F7: variants seen among roughly 807,000 people sequenced by gnomAD.
F7 encodes the protein FVII coagulation protein.
F7 carries 38 observed loss-of-function variants against 47.5 expected under a neutral mutation model. The observed-to-expected ratio is 0.80, with a 90% CI of 0.62 to 1.05. The LOEUF (loss-of-function observed/expected upper bound fraction) is 1.05. Ranked by LOEUF, F7 falls within the 50% of genes least tolerant of loss-of-function variation. The probability of loss-of-function intolerance (pLI) is 0.00; values close to 1 mark genes in which losing one functional copy is unlikely to be tolerated. For synonymous variants in F7, 244 were observed against 258.5 expected, an observed-to-expected ratio of 0.94 and a Z score of 0.54; for missense variants, 575 against 605.4, an observed-to-expected ratio of 0.95 and a Z score of 0.53.
At chr13:113,116,980 C>A in intron 6 of F7, 105 bp downstream of exon 6, 2 of 907,852 alleles carry the variant, frequency 2.2e-6, no homozygotes, top group Admixed American at 1.8e-5. Flanking sequence ...AGCCCCAAGC[C>A]CACCAGGCTC....
At position 113,118,773 on chromosome 13, in the gene F7, G is replaced by T; in HGVS notation, c.1100G>T (p.Cys367Phe). The stretch of plus-strand genomic sequence containing the variant: ...CCAAATATCACGGAGTACATGTTCT[G>T]TGCCGGCTACTCGGATGGCAGCAAG... ...DSPNITEYMF[C>F]AGYSDGSKDS... Residue 367 changes from cysteine (C) to phenylalanine (F), a missense_variant, in exon 8 of 8, where the codon TGT (cysteine) becomes TTT (phenylalanine). Transcript: ENST00000346342. 6.2e-7 allele frequency: 1 copy of T among 1,613,234 alleles called. No homozygotes were observed. The highest frequency in any genetic ancestry group is 8.5e-7 in the Non-Finnish European group (1 of 1,179,996).
rs759415146 is a variant in F7 at position 113,118,665 on chromosome 13, C to T, written c.992C>T (p.Thr331Met). The change falls in exon 8 of 8, where the codon ACG becomes ATG. Residue 331 changes from threonine to methionine, a missense_variant. Transcript: ENST00000346342. ...GWGQLLDRGATALELMVLNVP... is the reference protein window; with the variant it reads ...GWGQLLDRGAMALELMVLNVP... ...GGCCAGCTGCTGGACCGTGGCGCCA[C>T]GGCCCTGGAGCTCATGGTCCTCAAC... The T allele has an allele frequency of 3.1e-5, 50 of 1,612,740 alleles. No homozygotes were observed. Among genetic ancestry groups the T allele is most frequent in the Middle Eastern group, 1.6e-4 (1 of 6,062 alleles).
intron 4 of F7, 58 bp downstream of exon 4, chr13:113,114,018 G>A (rs1295047636): frequency 5.6e-6 from 9 of 1,595,446 alleles, no homozygotes; most frequent in Non-Finnish European, 7.7e-6. Flanking sequence ...TGGTGGAGGT[G>A]GCCTGGCCAA....
At position 113,116,717 on chromosome 13, in the gene F7, G is replaced by A. The variant is rs749699365; in HGVS notation, c.506-49G>A. 1.8e-5 allele frequency: 25 copies of A among 1,397,226 alleles called. 1 individual carries two copies. Among genetic ancestry groups the A allele is most frequent in the African/African-American group, 1.4e-4 (10 of 70,574 alleles). The allele number at this position is 1,397,226 out of a possible 1,614,324, so 86.6% of individuals were successfully genotyped here. On this transcript the variant is annotated intron_variant, in intron 5 of 7. Transcript: ENST00000346342. ...GTTTCTGAATCTTTCCTAGTGGCAC[G>A]TTCATCCCTCACAAATCTCTGCATC...
Position 113,105,838 on chromosome 13 carries a change from C to T in F7, c.-4C>T, listed in dbSNP as rs762649581. The T allele has an allele frequency of 4.4e-6, 7 of 1,585,592 alleles. No individual in the cohort carries two copies. Among genetic ancestry groups the T allele is most frequent in the Admixed American group, 3.6e-5 (2 of 55,574 alleles). ...GGCAGGGGCAGCACTGCAGAGATTTCATCATGGTCTCCCAGGCCCTCAGGC... is the reference window on the plus strand; with the variant it reads ...GGCAGGGGCAGCACTGCAGAGATTTTATCATGGTCTCCCAGGCCCTCAGGC... On this transcript the variant is annotated 5_prime_UTR_variant, in exon 1 of 8. Transcript: ENST00000346342.
Position 113,119,166 on chromosome 13 carries a change from GAC to G in F7, c.*160_*161del, listed in dbSNP as rs2036256774. The G allele has an allele frequency of 1.5e-6, 1 of 679,376 alleles. No individual in the cohort carries two copies. Among genetic ancestry groups the G allele is most frequent in the Non-Finnish European group, 2.5e-6 (1 of 394,154 alleles). The allele number at this position is 679,376 out of a possible 1,614,324, so 42.1% of individuals were successfully genotyped here. A position where few individuals can be genotyped will look rare whatever the true frequency, so the allele number is the denominator to read the frequency against. ...AGAGACAGAAACAGAGAGAGACAGA[GAC>G]AGAGAGAGACTGAGGGAGAGACTCT... On this transcript the variant is annotated 3_prime_UTR_variant, in exon 8 of 8. Transcript: ENST00000346342.
At chr13:113,110,591 C>A in intron 1 of F7, 99 bp from the exon 2 acceptor site, 2 of 1,496,018 alleles carry the variant, frequency 1.3e-6, no homozygotes, top group Non-Finnish European at 1.8e-6. Flanking sequence ...CCAGGACGGG[C>A]GGGAACCTGC....
intron 4 of F7, 38 bp from the exon 5 acceptor site, chr13:113,115,622 C>G: frequency 6.2e-7 from 1 of 1,606,924 alleles, no homozygotes; most frequent in Non-Finnish European, 8.5e-7. Flanking sequence ...CGCTGACCCC[C>G]AGAAGCCCCT....
chr13:113,114,033 G>C lies in F7; in HGVS notation c.364+73G>C, dbSNP rs2036151104. ...TGGTGGAGGTGGCCTGGCCAACCGG[G>C]CTGCAGGGTGCACAACCTGGTGGGG... is the stretch of plus-strand genomic sequence containing the variant. On this transcript the variant is annotated intron_variant, in intron 4 of 7. Coordinates refer to ENST00000346342, the MANE Select transcript of F7 (RefSeq NM_019616.4). 3.3e-6 allele frequency: 5 copies of C among 1,523,892 alleles called. No individual in the cohort carries two copies. The Admixed American group carries it at 5.3e-5, about 16-fold the overall frequency. 94.4% of individuals were successfully genotyped at this position (1,523,892 alleles called of 1,614,324 possible).
Position 113,110,838 on chromosome 13 carries a change from C to T in F7, c.213C>T (p.Asp71=), listed in dbSNP as rs761662200. The change falls in exon 2 of 8, where the codon GAC becomes GAT. Residue 71 remains aspartate (D), a synonymous_variant. Transcript: ENST00000346342. The part of the protein sequence containing the change: ...SFEEAREIFK[D]AERTKLFWIS... ...AGGAGGCCCGGGAGATCTTCAAGGA[C>T]GCGGAGAGGACGGTGAGCCCAGCCT... 2 of 1,560,960 alleles carry T rather than the reference C, an allele frequency of 1.3e-6. No homozygotes were observed. The highest frequency in any genetic ancestry group is 1.7e-6 in the Non-Finnish European group (2 of 1,153,286).
At chr13:113,106,863 C>T in intron 1 of F7, 1 of 1,605,508 alleles carries the variant, frequency 6.2e-7, no homozygotes, top group East Asian at 2.2e-5. Context: ...GCTAAGGCCT[C>T]AGGAGGAGAA....
chr13:113,110,677 T>A lies in F7; in HGVS notation c.65-13T>A. ...GCACGCGGTGGGCGCTTCACGGAAC[T>A]CGCATTTCCCAGTCTTCGTAACCCA... is the stretch of plus-strand genomic sequence containing the variant. On this transcript the variant is annotated splice_polypyrimidine_tract_variant and intron_variant, in intron 1 of 7. Transcript: ENST00000346342. 3 of 1,547,806 alleles carry A rather than the reference T, an allele frequency of 1.9e-6. No individual in the cohort carries two copies. The highest frequency in any genetic ancestry group is 2.6e-6 in the Non-Finnish European group (3 of 1,146,336).
In F7 at chr13:113,116,837, G is replaced by A; in HGVS notation, c.577G>A (p.Gly193Arg). 6.2e-7 allele frequency: 1 copy of A among 1,613,818 alleles called. No homozygotes were observed. Among genetic ancestry groups the A allele is most frequent in the Non-Finnish European group, 8.5e-7 (1 of 1,180,012 alleles). Reference protein sequence around the residue: ...NASKPQGRIVGGKVCPKGECP... With the variant: ...NASKPQGRIVRGKVCPKGECP... Reference sequence around the variant, plus strand: ...CAGCAAACCCCAAGGCCGAATTGTGGGGGGCAAGGTGTGCCCCAAAGGGGA... The same window carrying A: ...CAGCAAACCCCAAGGCCGAATTGTGAGGGGCAAGGTGTGCCCCAAAGGGGA... The change falls in exon 6 of 8, where the codon GGG (glycine) becomes AGG (arginine). Residue 193 changes from glycine to arginine, a missense_variant. Physicochemically the swap from Gly to Arg is moderately radical, Grantham distance 125 (BLOSUM62 -2). Coordinates refer to ENST00000346342, the MANE Select transcript of F7 (RefSeq NM_019616.4).
chr13:113,108,724 G>A, intron 1 of F7, among the ~76,000 whole-genome samples: 1 of 104,820 alleles, frequency 9.5e-6, no homozygotes, highest in Non-Finnish European at 2.0e-5. Context: ...CCCGGGGGTC[G>A]TGGGTGTCCC....
intron 4 of F7, among the ~76,000 whole-genome samples, chr13:113,115,314 A>C (rs2036174620): frequency 6.6e-6 from 1 of 152,028 alleles, no homozygotes; most frequent in South Asian, 2.1e-4. Context: ...GGACACTTTT[A>C]CCATCCCCAT....
At position 113,119,418 on chromosome 13, in the gene F7, C is replaced by T. The variant is rs139474305; in HGVS notation, c.*410C>T. 1.2e-3 allele frequency: 332 copies of T among 266,456 alleles called. 3 individuals carry two copies. Among genetic ancestry groups the T allele is most frequent in the African/African-American group, 7.0e-3 (316 of 45,406 alleles). 16.5% of individuals were successfully genotyped at this position (266,456 alleles called of 1,614,324 possible). Reference sequence around the variant, plus strand: ...TGCTGGCCTCAGGCTGCTGCTCTGCCTTCATTGCTGGAGACAGTAGAGGCA... The same window carrying T: ...TGCTGGCCTCAGGCTGCTGCTCTGCTTTCATTGCTGGAGACAGTAGAGGCA... On this transcript the variant is annotated 3_prime_UTR_variant, in exon 8 of 8. Coordinates refer to ENST00000346342, the MANE Select transcript of F7 (RefSeq NM_019616.4).
chr13:113,113,872 A>T lies in F7; in HGVS notation c.276A>T (p.Pro92=), dbSNP rs367552672. ...YSDGDQCASS[P]CQNGGSCKDQ... Reference sequence around the variant, plus strand: ...ATGGGGACCAGTGTGCCTCAAGTCCATGCCAGAATGGGGGCTCCTGCAAGG... The same window carrying T: ...ATGGGGACCAGTGTGCCTCAAGTCCTTGCCAGAATGGGGGCTCCTGCAAGG... Residue 92 remains proline, a synonymous_variant, in exon 4 of 8, where the codon CCA becomes CCT. Transcript: ENST00000346342. This position sits in a 1 kb window ranked among gnomAD's most constrained non-coding sequence, Gnocchi z 4.1. The T allele has an allele frequency of 1.4e-5, 23 of 1,614,038 alleles. No homozygotes were observed. The African/African-American group carries it at 2.8e-4, about 20-fold the overall frequency.
At chr13:113,106,850 G>A (rs773842154) in intron 1 of F7, 5 of 1,601,794 alleles carry the variant, frequency 3.1e-6, no homozygotes, top group Non-Finnish European at 4.3e-6. Flanking sequence ...CCCAGGCGGG[G>A]TCGCTAAGGC....
intron 1 of F7, chr13:113,106,954 G>T (rs771689023): frequency 6.4e-7 from 1 of 1,561,486 alleles, no homozygotes; most frequent in Admixed American, 1.8e-5. Context: ...GCCCAGTGGG[G>T]GCCAACATCA....
Sources: allele counts gnomAD v4.1 joint callset (sites outside exome capture counted in the v4.1 genomes callset), GRCh38; gene constraint gnomAD v4.1.1; non-coding constraint Gnocchi (gnomAD v3.1); transcripts MANE v1.5; gene names NCBI Gene and HGNC (gene_info 2026-07-23, HGNC 2026-07-21).